Variants in GRM8 observed in about 807,000 individuals in gnomAD.
GRM8 encodes the protein metabotropic glutamate receptor 8.
Under a neutral mutation model 87.2 loss-of-function variants are expected in GRM8, and 47 were observed. The observed-to-expected ratio is 0.54, with a 90% CI of 0.43 to 0.69. GRM8 has a LOEUF of 0.69. GRM8 is among the 30% of genes least tolerant of loss of function. The pLI, the probability that GRM8 is intolerant of heterozygous loss-of-function variation, is 0.00. For synonymous variants in GRM8, 396 were observed against 404.5 expected (o/e 0.98, Z 0.25); for missense variants, 1,019 against 1,139.2 (o/e 0.89, Z 1.52).
At chr7:127,052,402 T>C (rs1487393661) in intron 3 of GRM8, among the ~76,000 whole-genome samples, 1 of 152,200 alleles carries the variant, frequency 6.6e-6, no homozygotes. Context: ...TAGCCCCTTG[T>C]TTACAATGGC....
intron 2 of GRM8, among the ~76,000 whole-genome samples, chr7:127,115,683 T>A (rs1186622962): frequency 6.6e-6 from 1 of 152,208 alleles, no homozygotes; most frequent in African/African-American, 2.4e-5. Context: ...CTAATTACAT[T>A]TTACAATAAG....
At chr7:126,599,832 C>T (rs1031652824) in intron 8 of GRM8, among the ~76,000 whole-genome samples, 2 of 152,046 alleles carry the variant, frequency 1.3e-5, no homozygotes, top group Non-Finnish European at 2.9e-5. Flanking sequence ...GGATGCTGAA[C>T]CCGCATAGTC....
chr7:127,021,944 T>C (rs1240061357), intron 3 of GRM8, among the ~76,000 whole-genome samples: 1 of 152,070 alleles, frequency 6.6e-6, no homozygotes. Flanking sequence ...AGTTTCATAA[T>C]TGAGTTGAAT....
intron 2 of GRM8, among the ~76,000 whole-genome samples, chr7:127,146,780 C>A (rs1268785827): frequency 1.3e-5 from 2 of 152,022 alleles, no homozygotes; most frequent in Non-Finnish European, 2.9e-5. Context: ...TCAAAAATCT[C>A]ATTAAAATTT....
intron 8 of GRM8, among the ~76,000 whole-genome samples, chr7:126,586,048 G>C (rs527368802): frequency 6.6e-6 from 1 of 152,208 alleles, no homozygotes; most frequent in Admixed American, 6.5e-5. Flanking sequence ...CAGACAAACA[G>C]AGAGCCAAAT....
At chr7:126,595,547 G>C (rs940992400) in intron 8 of GRM8, among the ~76,000 whole-genome samples, 3 of 152,016 alleles carry the variant, frequency 2.0e-5, no homozygotes, top group Middle Eastern at 3.4e-3. Flanking sequence ...GATTATAGGT[G>C]TGAGCCACTG....
chr7:126,844,246 G>C (rs1261632832), intron 6 of GRM8, among the ~76,000 whole-genome samples: 3 of 152,122 alleles, frequency 2.0e-5, no homozygotes, highest in Admixed American at 6.6e-5. Context: ...GTGTACAAAA[G>C]AGCATCTGGA....
chr7:126,545,741 A>G (rs535622071), intron 8 of GRM8, among the ~76,000 whole-genome samples: 1 of 152,338 alleles, frequency 6.6e-6, no homozygotes, highest in African/African-American at 2.4e-5. Context: ...TTCATTGCTA[A>G]TAAGTAGAAG....
At chr7:127,149,776 A>AG (rs1482955134) in intron 2 of GRM8, among the ~76,000 whole-genome samples, 5 of 152,040 alleles carry the variant, frequency 3.3e-5, no homozygotes, top group African/African-American at 9.7e-5. Context: ...ATGGGACTAG[A>AG]GGGCTAAGTG....
chr7:126,806,840 C>T (rs944250669), intron 6 of GRM8, among the ~76,000 whole-genome samples: 1 of 152,184 alleles, frequency 6.6e-6, no homozygotes, highest in Non-Finnish European at 1.5e-5. Flanking sequence ...GGAACCGCGC[C>T]GGTGGCCACC....
At chr7:126,864,383 C>G (rs533788493) in intron 6 of GRM8, among the ~76,000 whole-genome samples, 1 of 152,198 alleles carries the variant, frequency 6.6e-6, no homozygotes, top group South Asian at 2.1e-4. Context: ...CTATCCTCGA[C>G]AGCTCTATTT....
chr7:126,614,880 G>A (rs557994748), intron 7 of GRM8, among the ~76,000 whole-genome samples: 15 of 152,326 alleles, frequency 9.8e-5, no homozygotes, highest in South Asian at 2.1e-4. Context: ...TATGTGAAAA[G>A]ACCAAATCTA....
At chr7:126,688,306 G>A (rs1585527743) in intron 7 of GRM8, among the ~76,000 whole-genome samples, 1 of 152,238 alleles carries the variant, frequency 6.6e-6, no homozygotes, top group East Asian at 1.9e-4. Flanking sequence ...TATTTTTCAG[G>A]AAATTAAAGG....
chr7:127,031,146 T>G (rs1817322836), intron 3 of GRM8, among the ~76,000 whole-genome samples: 1 of 152,092 alleles, frequency 6.6e-6, no homozygotes, highest in African/African-American at 2.4e-5. Context: ...CAGGTTTTCT[T>G]TATGTAGATT....
At chr7:126,858,488 T>C (rs951715505) in intron 6 of GRM8, among the ~76,000 whole-genome samples, 1 of 152,138 alleles carries the variant, frequency 6.6e-6, no homozygotes, top group Non-Finnish European at 1.5e-5. Context: ...ATAAAAATTA[T>C]AGAAGTCCAT....
intron 7 of GRM8, among the ~76,000 whole-genome samples, chr7:126,628,299 C>G (rs1274904561): frequency 6.6e-6 from 1 of 152,182 alleles, no homozygotes; most frequent in Non-Finnish European, 1.5e-5. Context: ...CCTACCTCAG[C>G]CTCCCAAAGT....
chr7:126,519,623 G>C (rs1009765241), intron 9 of GRM8, among the ~76,000 whole-genome samples: 16 of 151,982 alleles, frequency 1.1e-4, no homozygotes, highest in African/African-American at 3.9e-4. Flanking sequence ...AACAAAAATG[G>C]ACTGATTGAG....
chr7:127,236,344 G>A (rs1163005887), intron 2 of GRM8, among the ~76,000 whole-genome samples: 1 of 152,126 alleles, frequency 6.6e-6, no homozygotes. Context: ...CTGCTATAAG[G>A]AACTGCCAGA....
intron 9 of GRM8, among the ~76,000 whole-genome samples, chr7:126,474,364 G>A (rs778307339): frequency 1.7e-4 from 26 of 152,012 alleles, no homozygotes; most frequent in South Asian, 4.1e-4. Context: ...TACCTCCCAC[G>A]CTTAAGCAAT....
Sources: gnomAD v4.1 joint callset for allele counts (sites outside exome capture counted in the v4.1 genomes callset) on GRCh38, gnomAD v4.1.1 for gene constraint, MANE v1.5 for transcripts, NCBI Gene and HGNC (gene_info 2026-07-23, HGNC 2026-07-21) for gene names.